HFM1: variants seen among roughly 807,000 people sequenced by gnomAD.
HFM1 encodes probable ATP-dependent DNA helicase HFM1.
Under a neutral mutation model 192.1 loss-of-function variants are expected in HFM1, and 169 were observed. The observed-to-expected ratio is 0.88, with a 90% CI of 0.78 to 1.00. HFM1 has a LOEUF of 1.00. HFM1 is among the 50% of genes least tolerant of loss of function. HFM1 has a pLI of 0.00. For synonymous variants in HFM1, 525 were observed against 537.8 expected, an observed-to-expected ratio of 0.98 and a Z score of 0.33; for missense variants, 1,661 against 1,668.0, an observed-to-expected ratio of 1.00 and a Z score of 0.07.
In HFM1 at chr1:91,264,361, ATTTTTTTTTTTT is replaced by A. The variant is rs71087940; in HGVS notation, c.3974+1644_3974+1655del. 6.4e-3 allele frequency among the ~76,000 whole-genome samples: 363 copies of A among 57,106 alleles called. 9 individuals carry two copies. The highest frequency in any genetic ancestry group is 0.022 in the African/African-American group (279 of 12,682). The allele number at this position is 57,106 out of a possible 152,430, so 37.5% of individuals were successfully genotyped here. A position where few individuals can be genotyped will look rare whatever the true frequency, so the allele number is the denominator to read the frequency against. ...TTCCAAGGGATACCACAAATTTAGT[ATTTTTTTTTTTT>A]TTTTTTTTTTTTTTTTTGAGACGGA... is the stretch of plus-strand genomic sequence containing the variant. On this transcript the variant is annotated intron_variant, in intron 36 of 38. Transcript: ENST00000370425.
intron 13 of HFM1, among the ~76,000 whole-genome samples, chr1:91,363,524 CA>C (rs140616807): frequency 0.024 from 2,851 of 118,040 alleles, 33 homozygotes; most frequent in Middle Eastern, 0.067. Flanking sequence ...ACTAAAAAGT[CA>C]AAAAAAAAAA....
chr1:91,334,170 A>G (rs1654235361), intron 20 of HFM1, among the ~76,000 whole-genome samples: 1 of 152,206 alleles, frequency 6.6e-6, no homozygotes, highest in African/African-American at 2.4e-5. Context: ...CTTGACAGTG[A>G]TTATGAGTCC....
intron 2 of HFM1, among the ~76,000 whole-genome samples, chr1:91,397,113 T>C (rs1270898585): frequency 6.6e-6 from 1 of 152,226 alleles, no homozygotes; most frequent in African/African-American, 2.4e-5. Context: ...AAATTCAGTG[T>C]CTGGTGCCAA....
At chr1:91,375,021 T>G (rs1023358689) in intron 13 of HFM1, among the ~76,000 whole-genome samples, 5 of 151,678 alleles carry the variant, frequency 3.3e-5, no homozygotes, top group African/African-American at 7.3e-5. Flanking sequence ...GAGTCCAGAG[T>G]GTTTAAGTAA....
At chr1:91,290,264 T>G (rs978469932) in intron 30 of HFM1, among the ~76,000 whole-genome samples, 5 of 152,174 alleles carry the variant, frequency 3.3e-5, no homozygotes, top group African/African-American at 1.2e-4. Context: ...GCAAATTGGA[T>G]AAAGAGTCAA....
At chr1:91,310,548 C>T (rs1413502933) in intron 30 of HFM1, among the ~76,000 whole-genome samples, 2 of 152,160 alleles carry the variant, frequency 1.3e-5, no homozygotes, top group Non-Finnish European at 2.9e-5. Context: ...AAAACGTATA[C>T]TGACATGGTT....
At chr1:91,349,441 T>TA (rs1656634115) in intron 18 of HFM1, among the ~76,000 whole-genome samples, 1 of 152,162 alleles carries the variant, frequency 6.6e-6, no homozygotes, top group Non-Finnish European at 1.5e-5. Context: ...GACAAAGTTA[T>TA]AAAAAAGTAC....
At chr1:91,266,876 A>G (rs959005231) in intron 35 of HFM1, among the ~76,000 whole-genome samples, 18 of 152,210 alleles carry the variant, frequency 1.2e-4, no homozygotes, top group African/African-American at 4.3e-4. Context: ...GAAGGTGGTC[A>G]AATCCTGTTC....
At position 91,262,258 on chromosome 1, in the gene HFM1, T is replaced by C. The variant is rs749864304; in HGVS notation, c.4221A>G (p.Lys1407=). Residue 1407 remains lysine (K), a synonymous_variant, in exon 38 of 39, where the codon AAA becomes AAG. Transcript: ENST00000370425. The part of the protein sequence containing the change: ...VDFFIRNSEC[K]KEVDFSMYHP... ...GTTCTTACCTGAAATCAACTTCCTTTTTACATTCACTGTTTCTAATAAAAA... is the reference window on the plus strand; with the variant it reads ...GTTCTTACCTGAAATCAACTTCCTTCTTACATTCACTGTTTCTAATAAAAA... 7.2e-7 allele frequency: 1 copy of C among 1,394,136 alleles called. No individual in the cohort carries two copies. The highest frequency in any genetic ancestry group is 9.9e-7 in the Non-Finnish European group (1 of 1,011,056). 86.4% of individuals were successfully genotyped at this position (1,394,136 alleles called of 1,614,324 possible).
intron 34 of HFM1, among the ~76,000 whole-genome samples, 184 bp downstream of exon 34, chr1:91,273,528 C>T (rs1462285346): frequency 6.6e-6 from 1 of 151,852 alleles, no homozygotes; most frequent in Non-Finnish European, 1.5e-5. Context: ...GTACAACAAA[C>T]AGAGTAAGAC....
chr1:91,333,511 T>TAA (rs139977746), intron 20 of HFM1, among the ~76,000 whole-genome samples: 15 of 145,670 alleles, frequency 1.0e-4, no homozygotes, highest in Admixed American at 2.0e-4. Context: ...GGTACAAAAA[T>TAA]AAAAAAAAAA....
intron 12 of HFM1, 27 bp downstream of exon 12, chr1:91,375,500 A>G: frequency 6.2e-7 from 1 of 1,610,314 alleles, no homozygotes; most frequent in East Asian, 2.2e-5. Context: ...TGAATATACT[A>G]AAAAATAAGC....
At chr1:91,288,527 C>A (rs542277304) in intron 30 of HFM1, among the ~76,000 whole-genome samples, 1 of 151,998 alleles carries the variant, frequency 6.6e-6, no homozygotes, top group Admixed American at 6.6e-5. Context: ...GGCCCTGCTG[C>A]CTTCCCTAGT....
In HFM1 at chr1:91,394,260, T is replaced by C; in HGVS notation, c.327A>G (p.Val109=). Residue 109 remains valine, a synonymous_variant, in exon 4 of 39, where the codon GTA becomes GTG. Coordinates refer to ENST00000370425, the MANE Select transcript of HFM1 (RefSeq NM_001017975.6). ...YEQDDLNLEG[V]GNNDLSHIAG... is the part of the protein sequence containing the mutation. ...CAATATGTGATAAGTCATTATTACC[T>C]ACCCCTTCTAAATTTAGATCATCCT... 4 of 1,597,544 alleles carry C rather than the reference T, an allele frequency of 2.5e-6. No homozygotes were observed. The highest frequency in any genetic ancestry group is 2.7e-5 in the African/African-American group (2 of 74,764).
chr1:91,351,139 G>A (rs1656883868), intron 17 of HFM1, among the ~76,000 whole-genome samples: 1 of 151,832 alleles, frequency 6.6e-6, no homozygotes, highest in Admixed American at 6.6e-5. Flanking sequence ...CTCCAAAAGA[G>A]AATACATTAA....
intron 4 of HFM1, among the ~76,000 whole-genome samples, chr1:91,390,435 G>GA (rs35660069): frequency 0.2 from 14,921 of 73,870 alleles, 1,194 homozygotes; most frequent in African/African-American, 0.3. Flanking sequence ...GACTCCCAAA[G>GA]AAAAAAAAAA....
At chr1:91,373,015 T>C (rs1308535201) in intron 13 of HFM1, among the ~76,000 whole-genome samples, 2 of 152,046 alleles carry the variant, frequency 1.3e-5, no homozygotes, top group African/African-American at 2.4e-5. Context: ...TTTCATATGG[T>C]AGTAACTAAG....
intron 30 of HFM1, among the ~76,000 whole-genome samples, chr1:91,292,861 A>G (rs1668939542): frequency 6.6e-6 from 1 of 152,162 alleles, no homozygotes. Flanking sequence ...AGAGATATAG[A>G]TCAATGGAAC....
In HFM1 at chr1:91,271,251, A is replaced by G. The variant is rs181915164; in HGVS notation, c.3772+2461T>C. Among the ~76,000 whole-genome samples the G allele has an allele frequency of 1.3e-3, 193 of 152,266 alleles. 1 individual carries two copies. Among genetic ancestry groups the G allele is most frequent in the South Asian group, 2.5e-3 (12 of 4,824 alleles). ...TTTTCCACTGAGGCGCTAAACTGGT[A>G]AGATGTAAGTTAGGGGCTACCTGCT... On this transcript the variant is annotated intron_variant, in intron 34 of 38. Transcript: ENST00000370425.
Sources: gnomAD v4.1 joint callset for allele counts (sites outside exome capture counted in the v4.1 genomes callset) on GRCh38, gnomAD v4.1.1 for gene constraint, MANE v1.5 for transcripts, NCBI Gene and HGNC (gene_info 2026-07-23, HGNC 2026-07-21) for gene names.